Variants in CCDC73 observed in about 807,000 individuals in gnomAD.
CCDC73 encodes the protein coiled-coil domain containing 73.
Under a neutral mutation model 116.5 loss-of-function variants are expected in CCDC73, and 95 were observed. That is an observed-to-expected ratio of 0.82 (90% CI 0.69 to 0.97). The LOEUF (loss-of-function observed/expected upper bound fraction) is 0.97. CCDC73 is among the 50% of genes least tolerant of loss of function. CCDC73 has a pLI of 0.00. For missense variants in CCDC73, 1,066 were observed against 1,206.8 expected, an observed-to-expected ratio of 0.88 and a Z score of 1.73; for synonymous variants, 398 against 401.3, an observed-to-expected ratio of 0.99 and a Z score of 0.10.
intron 6 of CCDC73, among the ~76,000 whole-genome samples, chr11:32,684,977 T>C (rs540421026): frequency 6.6e-6 from 1 of 151,458 alleles, no homozygotes; most frequent in Non-Finnish European, 1.5e-5. Flanking sequence ...TGAGACTCTG[T>C]CAAAAAAAAT....
intron 7 of CCDC73, chr11:32,680,293 T>C (rs1856131495): frequency 6.6e-6 from 1 of 152,226 alleles, no homozygotes; most frequent in African/African-American, 2.4e-5. Flanking sequence ...AACTTTAATG[T>C]ATTATAAGGC....
At chr11:32,679,293 GTCT>G (rs1241600235) in intron 7 of CCDC73, among the ~76,000 whole-genome samples, 4 of 152,150 alleles carry the variant, frequency 2.6e-5, no homozygotes, top group Non-Finnish European at 5.9e-5. Context: ...CTCAGCAGAT[GTCT>G]AGAAACCTAA....
chr11:32,778,773 T>C (rs891401779), intron 1 of CCDC73, among the ~76,000 whole-genome samples: 18 of 151,864 alleles, frequency 1.2e-4, no homozygotes, highest in African/African-American at 4.4e-4. Flanking sequence ...CACTCTAGCC[T>C]GGGGGACAAG....
chr11:32,729,673 T>C (rs990032943), intron 2 of CCDC73, among the ~76,000 whole-genome samples: 1 of 152,196 alleles, frequency 6.6e-6, no homozygotes, highest in Non-Finnish European at 1.5e-5. Flanking sequence ...TTTCTCTGCA[T>C]CCTTGCCAGC....
intron 1 of CCDC73, among the ~76,000 whole-genome samples, chr11:32,779,031 G>C (rs1253001003): frequency 6.6e-6 from 1 of 152,030 alleles, no homozygotes; most frequent in Non-Finnish European, 1.5e-5. Context: ...AGTTCCAACT[G>C]ATGTGCTAGG....
chr11:32,615,842 AGTC>A (rs753130843), intron 15 of CCDC73, 95 bp downstream of exon 15: 7 of 1,101,182 alleles, frequency 6.4e-6, no homozygotes, highest in Non-Finnish European at 7.6e-6. Context: ...ACTAGGAATA[AGTC>A]ATGAAGAGGG....
At chr11:32,828,512 GA>G in the CCDC73 span, among the ~76,000 whole-genome samples, 5,224 of 100,352 alleles carry the variant, frequency 0.052, 262 homozygotes, top group African/African-American at 0.16. Flanking sequence ...TCTGTCTCAA[GA>G]AAAAAAAAAA....
chr11:32,653,465 T>A (rs954424009), intron 11 of CCDC73, among the ~76,000 whole-genome samples: 1 of 152,138 alleles, frequency 6.6e-6, no homozygotes, highest in Non-Finnish European at 1.5e-5. Flanking sequence ...CTAAGACACA[T>A]GTGAAGAATT....
chr11:32,651,293 C>T (rs1855824002), intron 12 of CCDC73, among the ~76,000 whole-genome samples: 1 of 152,212 alleles, frequency 6.6e-6, no homozygotes, highest in Non-Finnish European at 1.5e-5. Flanking sequence ...CACCAAGTCA[C>T]CTGCCTAACA....
At chr11:32,621,732 G>A (rs1241176831) in intron 14 of CCDC73, among the ~76,000 whole-genome samples, 4 of 151,928 alleles carry the variant, frequency 2.6e-5, no homozygotes, top group East Asian at 3.9e-4. Flanking sequence ...GGCAACCTAC[G>A]GAATGGGAGA....
intron 7 of CCDC73, among the ~76,000 whole-genome samples, chr11:32,678,887 A>C (rs1856117344): frequency 7.5e-6 from 1 of 133,400 alleles, no homozygotes; most frequent in African/African-American, 2.8e-5. Flanking sequence ...CGTCACAAAA[A>C]AAAAAAAAAA....
intron 1 of CCDC73, among the ~76,000 whole-genome samples, chr11:32,791,270 G>T (rs187014910): frequency 6.6e-6 from 1 of 152,220 alleles, no homozygotes; most frequent in Non-Finnish European, 1.5e-5. Flanking sequence ...TCACCTAAAT[G>T]TACATTACAA....
chr11:32,708,526 T>C (rs1272476362), intron 3 of CCDC73, among the ~76,000 whole-genome samples: 1 of 152,200 alleles, frequency 6.6e-6, no homozygotes, highest in Non-Finnish European at 1.5e-5. Context: ...TGATTCTAGT[T>C]ATCCATGAGC....
At chr11:32,797,947 T>C (rs1160233333), upstream of CCDC73, among the ~76,000 whole-genome samples, 1 of 152,212 alleles carries the variant, frequency 6.6e-6, no homozygotes, top group Non-Finnish European at 1.5e-5. Flanking sequence ...ATGCTACAAG[T>C]GGAAAATGCC....
intron 2 of CCDC73, among the ~76,000 whole-genome samples, chr11:32,742,229 G>A (rs921663646): frequency 6.6e-6 from 1 of 152,128 alleles, no homozygotes; most frequent in Non-Finnish European, 1.5e-5. Context: ...TTGAGGAATC[G>A]CCACACTGTC....
chr11:32,615,938 A>G lies in CCDC73; in HGVS notation c.1375+2T>C. ...AAAATATCAATATAATTTTAAGGTT[A>G]CCATCTATAATTATTTCCTCTATAA... is the stretch of plus-strand genomic sequence containing the variant. On this transcript the variant is annotated splice_donor_variant, in intron 15 of 17. Coordinates refer to ENST00000335185, the MANE Select transcript of CCDC73 (RefSeq NM_001008391.4). LOFTEE classifies it high-confidence loss of function. 1.3e-6 allele frequency: 2 copies of G among 1,538,476 alleles called. No homozygotes were observed. Among genetic ancestry groups the G allele is most frequent in the Non-Finnish European group, 1.8e-6 (2 of 1,127,554 alleles).
At position 32,665,840 on chromosome 11, in the gene CCDC73, G is replaced by A. The variant is rs373721319; in HGVS notation, c.645+9725C>T. On this transcript the variant is annotated intron_variant, in intron 9 of 17. Coordinates refer to ENST00000335185, the MANE Select transcript of CCDC73 (RefSeq NM_001008391.4). ...TTTAGTGCTTCCTTCAGGAGCTCTG[G>A]TAGGGCAGGCCTGGTAGTGACAAAA... 9.2e-5 allele frequency among the ~76,000 whole-genome samples: 14 copies of A among 152,250 alleles called. No homozygotes were observed. In the South Asian group the frequency reaches 2.7e-3, roughly 29 times the overall value.
the CCDC73 span, among the ~76,000 whole-genome samples, chr11:32,817,911 TA>T: frequency 6.6e-6 from 1 of 152,214 alleles, no homozygotes; most frequent in Non-Finnish European, 1.5e-5. Context: ...CCATGGCAGA[TA>T]TTGTTAATTA....
intron 1 of CCDC73, among the ~76,000 whole-genome samples, chr11:32,762,405 A>G (rs1850400017): frequency 6.6e-6 from 1 of 152,194 alleles, no homozygotes; most frequent in Admixed American, 6.5e-5. Flanking sequence ...ATGAAGCAAA[A>G]TTAAACTATA....
Sources: allele counts gnomAD v4.1 joint callset (sites outside exome capture counted in the v4.1 genomes callset), GRCh38; gene constraint gnomAD v4.1.1; transcripts MANE v1.5; gene names NCBI Gene and HGNC (gene_info 2026-07-23, HGNC 2026-07-21).